SEMA6D: variants seen among roughly 807,000 people sequenced by gnomAD.
SEMA6D encodes the protein semaphorin-6D.
Under a neutral mutation model 106.6 loss-of-function variants are expected in SEMA6D, and 35 were observed. The ratio of observed to expected loss-of-function variants is 0.33; its 90% CI spans 0.25 to 0.44. The LOEUF is 0.44. Among genes scored for constraint, SEMA6D ranks in the 20% least tolerant of loss-of-function variants. The pLI, the probability that SEMA6D is intolerant of heterozygous loss-of-function variation, is 1.00. For synonymous variants in SEMA6D, 499 were observed against 487.7 expected, an observed-to-expected ratio of 1.02 and a Z score of -0.31; for missense variants, 1,185 against 1,345.9, an observed-to-expected ratio of 0.88 and a Z score of 1.87.
At chr15:47,379,154 C>G (rs78009599) in intron 1 of SEMA6D, among the ~76,000 whole-genome samples, 4,304 of 152,258 alleles carry the variant, frequency 0.028, 91 homozygotes, top group South Asian at 0.093. Context: ...TTTATATTAT[C>G]TCACTAATAA....
chr15:47,525,905 AAAAC>A (rs1299231841), intron 3 of SEMA6D, among the ~76,000 whole-genome samples: 1 of 152,184 alleles, frequency 6.6e-6, no homozygotes, highest in Non-Finnish European at 1.5e-5. Context: ...AAAAAATAAA[AAAAC>A]AAAGGCGAAA....
chr15:47,199,538 T>G (rs1894578766), intron 1 of SEMA6D, among the ~76,000 whole-genome samples: 1 of 152,192 alleles, frequency 6.6e-6, no homozygotes, highest in Admixed American at 6.6e-5. Context: ...AGTGGATATG[T>G]ACATGGGTCC....
chr15:47,194,219 A>G (rs1371755391), intron 1 of SEMA6D, among the ~76,000 whole-genome samples: 2 of 152,150 alleles, frequency 1.3e-5, no homozygotes, highest in Non-Finnish European at 2.9e-5. Flanking sequence ...TAATATTTAC[A>G]AGGTCAAATA....
chr15:47,256,439 T>C (rs977907045), intron 1 of SEMA6D, among the ~76,000 whole-genome samples: 2 of 152,236 alleles, frequency 1.3e-5, no homozygotes, highest in South Asian at 2.1e-4. Flanking sequence ...TGTATACTTA[T>C]GTACTATATA....
At chr15:47,718,337 C>T (rs1472187578) in intron 1 of SEMA6D, 1 of 152,294 alleles carries the variant, frequency 6.6e-6, no homozygotes, top group African/African-American at 2.4e-5. Context: ...AGAAGGGGCG[C>T]AGCGCCGCAG....
chr15:47,743,880 C>T (rs1362546678), intron 1 of SEMA6D, among the ~76,000 whole-genome samples: 1 of 152,126 alleles, frequency 6.6e-6, no homozygotes, highest in East Asian at 1.9e-4. Context: ...CACTGTGGAA[C>T]CTAGTTTTGA....
chr15:47,363,560 A>G (rs1424161511), intron 1 of SEMA6D, among the ~76,000 whole-genome samples: 4 of 152,192 alleles, frequency 2.6e-5, no homozygotes, highest in Admixed American at 1.3e-4. Context: ...AAAACAAAAC[A>G]TGACCTAGAA....
At chr15:47,432,893 AAAAT>A (rs1260504937) in intron 2 of SEMA6D, among the ~76,000 whole-genome samples, 3 of 152,166 alleles carry the variant, frequency 2.0e-5, no homozygotes, top group African/African-American at 4.8e-5. Context: ...TTTTCAAACT[AAAAT>A]AAACTACACT....
chr15:47,524,913 A>G (rs185693369), intron 3 of SEMA6D, among the ~76,000 whole-genome samples: 1 of 152,298 alleles, frequency 6.6e-6, no homozygotes, highest in Non-Finnish European at 1.5e-5. Flanking sequence ...CATATTAATG[A>G]GACAAAAAAA....
chr15:47,400,293 C>G (rs1417352074), intron 1 of SEMA6D, among the ~76,000 whole-genome samples: 2 of 152,012 alleles, frequency 1.3e-5, no homozygotes, highest in Admixed American at 6.5e-5. Context: ...AGTTCAAGAC[C>G]AGCTTGGCCA....
At chr15:47,573,687 TG>T (rs1323033253) in intron 3 of SEMA6D, among the ~76,000 whole-genome samples, 1 of 152,214 alleles carries the variant, frequency 6.6e-6, no homozygotes, top group Non-Finnish European at 1.5e-5. Context: ...TATTAAAACA[TG>T]TCCCATGCTG....
intron 4 of SEMA6D, among the ~76,000 whole-genome samples, chr15:47,699,165 A>G (rs2078759710): frequency 6.6e-6 from 1 of 152,114 alleles, no homozygotes; most frequent in Admixed American, 6.6e-5. Context: ...AAAGGCCTTT[A>G]TTTTACTTCT....
intron 18 of SEMA6D, among the ~76,000 whole-genome samples, chr15:47,769,831 G>T (rs1160771262): frequency 2.0e-5 from 3 of 151,838 alleles, no homozygotes; most frequent in Non-Finnish European, 4.4e-5. Flanking sequence ...TAATTTGACA[G>T]TTTACTTAAC....
chr15:47,216,609 A>G (rs1249045864), intron 1 of SEMA6D, among the ~76,000 whole-genome samples: 1 of 152,196 alleles, frequency 6.6e-6, no homozygotes, highest in Non-Finnish European at 1.5e-5. Flanking sequence ...GCAATACACA[A>G]GAAAAACAAA....
chr15:47,184,646 TG>T (rs1381551851), intron 1 of SEMA6D, among the ~76,000 whole-genome samples: 1 of 152,058 alleles, frequency 6.6e-6, no homozygotes, highest in Non-Finnish European at 1.5e-5. Context: ...GCAGAGTTGT[TG>T]GCACTGATAA....
At chr15:47,498,380 C>G (rs2043740203) in intron 3 of SEMA6D, among the ~76,000 whole-genome samples, 2 of 151,970 alleles carry the variant, frequency 1.3e-5, no homozygotes, top group Non-Finnish European at 2.9e-5. Flanking sequence ...ACCTCTTATC[C>G]CCTTTCTTGC....
At chr15:47,408,608 A>T (rs1330743012) in intron 1 of SEMA6D, among the ~76,000 whole-genome samples, 1 of 152,206 alleles carries the variant, frequency 6.6e-6, no homozygotes, top group East Asian at 1.9e-4. Flanking sequence ...TCGAGATAAA[A>T]TTGCACAGAG....
In SEMA6D at chr15:47,771,716, C is replaced by T. The variant is rs144372516; in HGVS notation, c.3153C>T (p.Asp1051=). 1.2e-4 allele frequency: 197 copies of T among 1,614,102 alleles called. No individual in the cohort carries two copies. Among genetic ancestry groups the T allele is most frequent in the Admixed American group, 6.0e-4 (36 of 60,024 alleles). ...AGAGGACGCCGTCCTTAAAACCTGACGTGCCACCAAAGCCTTCCTTTGTTC... is the reference window on the plus strand; with the variant it reads ...AGAGGACGCCGTCCTTAAAACCTGATGTGCCACCAAAGCCTTCCTTTGTTC... ...GLKRTPSLKP[D]VPPKPSFVPQ... The change falls in exon 19 of 19, where the codon GAC becomes GAT. Residue 1051 remains aspartate, a synonymous_variant. Coordinates refer to ENST00000536845, the MANE Select transcript of SEMA6D (RefSeq NM_001358351.3).
intron 1 of SEMA6D, among the ~76,000 whole-genome samples, chr15:47,260,549 G>T (rs1448614463): frequency 1.3e-5 from 2 of 152,250 alleles, no homozygotes; most frequent in East Asian, 3.9e-4. Flanking sequence ...GAGGGGAAAA[G>T]AAGTCTCGAA....
Sources: allele counts gnomAD v4.1 joint callset (sites outside exome capture counted in the v4.1 genomes callset), GRCh38; gene constraint gnomAD v4.1.1; transcripts MANE v1.5; gene names NCBI Gene and HGNC (gene_info 2026-07-23, HGNC 2026-07-21).